Variants in INPP5F observed in about 807,000 individuals in gnomAD.
INPP5F encodes the protein inositol polyphosphate-5-phosphatase F.
Under a neutral mutation model 137.2 loss-of-function variants are expected in INPP5F, and 97 were observed. The ratio of observed to expected loss-of-function variants is 0.71; its 90% CI spans 0.60 to 0.84. The LOEUF (loss-of-function observed/expected upper bound fraction) is 0.84. Ranked by LOEUF, INPP5F falls within the 40% of genes least tolerant of loss-of-function variation. INPP5F has a pLI of 0.00. For missense variants in INPP5F, 1,271 were observed against 1,371.9 expected, an observed-to-expected ratio of 0.93 and a Z score of 1.16; for synonymous variants, 504 against 476.9, an observed-to-expected ratio of 1.06 and a Z score of -0.74.
At position 119,731,023 on chromosome 10, in the gene INPP5F, G is replaced by A. The variant is rs546064625; in HGVS notation, c.97+4664G>A. 2.3e-3 allele frequency among the ~76,000 whole-genome samples: 348 copies of A among 152,006 alleles called. 1 individual carries two copies. Among genetic ancestry groups the A allele is most frequent in the African/African-American group, 7.1e-3 (294 of 41,482 alleles). ...AGGATGCTCTCGATCTCTTGACCTC[G>A]TGATCCGCCCGCCTCTGCCTCCCAA... On this transcript the variant is annotated intron_variant, in intron 1 of 19. Coordinates refer to ENST00000650623, the MANE Select transcript of INPP5F (RefSeq NM_014937.4).
intron 1 of INPP5F, among the ~76,000 whole-genome samples, chr10:119,733,543 C>T (rs1848145200): frequency 6.6e-6 from 1 of 152,182 alleles, no homozygotes; most frequent in South Asian, 2.1e-4. Flanking sequence ...CATAGACATC[C>T]TTTCAGAGCA....
rs577012438 is a variant in INPP5F, at chr10:119,778,309, A to G, written c.179-3326A>G. ...AGGTGTGAGCCACTGCACCCAGCCT[A>G]TATATCCTTTAAAAAAATTGTTTTA... On this transcript the variant is annotated intron_variant, in intron 2 of 19. Transcript: ENST00000650623. Among the ~76,000 whole-genome samples the G allele has an allele frequency of 1.2e-4, 19 of 152,270 alleles. No homozygotes were observed. In the East Asian group the frequency reaches 3.1e-3, roughly 25 times the overall value.
chr10:119,784,521 T>A (rs918769165), intron 3 of INPP5F, among the ~76,000 whole-genome samples: 2 of 152,256 alleles, frequency 1.3e-5, no homozygotes, highest in Admixed American at 1.3e-4. Flanking sequence ...TCCAGCAGCA[T>A]CCTTTAATGT....
chr10:119,794,894 G>A (rs1346537438), intron 6 of INPP5F, among the ~76,000 whole-genome samples: 4 of 115,708 alleles, frequency 3.5e-5, no homozygotes, highest in African/African-American at 6.2e-5. Flanking sequence ...CTGGCCGGGC[G>A]GGGGGCTGAC....
chr10:119,825,305 C>A (rs2033204347), intron 19 of INPP5F, among the ~76,000 whole-genome samples: 1 of 152,116 alleles, frequency 6.6e-6, no homozygotes, highest in Non-Finnish European at 1.5e-5. Flanking sequence ...TTTCACTTGT[C>A]CCTAACAGTG....
intron 14 of INPP5F, among the ~76,000 whole-genome samples, chr10:119,811,235 C>T (rs958828784): frequency 2.6e-5 from 4 of 152,096 alleles, no homozygotes; most frequent in African/African-American, 4.8e-5. Flanking sequence ...TTGTCTCTTT[C>T]CTGTGTAGGG....
chr10:119,805,313 G>A, intron 10 of INPP5F, 71 bp from the exon 11 acceptor site: 1 of 1,157,220 alleles, frequency 8.6e-7, no homozygotes, highest in Non-Finnish European at 1.3e-6. Context: ...ACATTAAATA[G>A]CATATCTTAA....
In INPP5F at chr10:119,791,591, A is replaced by G. The variant is rs2134205402; in HGVS notation, c.390A>G (p.Leu130=). 2.5e-6 allele frequency: 4 copies of G among 1,604,452 alleles called. No individual in the cohort carries two copies. Among genetic ancestry groups the G allele is most frequent in the Non-Finnish European group, 3.4e-6 (4 of 1,171,846 alleles). Residue 130 remains leucine (L), a synonymous_variant, in exon 4 of 20, where the codon CTA becomes CTG. Coordinates refer to ENST00000650623, the MANE Select transcript of INPP5F (RefSeq NM_014937.4). The stretch of plus-strand genomic sequence containing the variant: ...CATCTCCTGATGACTCAAAGTTTCT[A>G]CTGAAGACCTTTACGCATATTAAAT... ...IIPSPDDSKF[L]LKTFTHIKSN...
Position 119,810,154 on chromosome 10 carries a change from G to A in INPP5F, c.1624G>A (p.Val542Met). ...RKLAGVMKDG[V>M]NSANRYYLNR... ...GTTAGCAGGAGTTATGAAAGATGGAGTGAACTCAGCAAACAGATATTACCT... is the reference window on the plus strand; with the variant it reads ...GTTAGCAGGAGTTATGAAAGATGGAATGAACTCAGCAAACAGATATTACCT... The change falls in exon 14 of 20, where the codon GTG becomes ATG. Residue 542 changes from valine (V) to methionine (M), a missense_variant. Physicochemically the swap from Val to Met is conservative, Grantham distance 21 (BLOSUM62 1). Around this residue, in one of 6 missense-constraint regions of INPP5F, gnomAD observed 593 missense variants for 712.4 expected, o/e 0.83. Transcript: ENST00000650623. The A allele has an allele frequency of 6.2e-7, 1 of 1,613,494 alleles. No individual in the cohort carries two copies. The highest frequency in any genetic ancestry group is 1.3e-5 in the African/African-American group (1 of 75,020).
intron 2 of INPP5F, 65 bp from the exon 3 acceptor site, chr10:119,781,570 C>T (rs1589707531): frequency 2.8e-6 from 4 of 1,403,968 alleles, no homozygotes; most frequent in South Asian, 3.2e-5. Flanking sequence ...GGTTATTCAC[C>T]TTCAACTTGT....
chr10:119,788,822 TGA>T (rs1212496545), intron 3 of INPP5F, among the ~76,000 whole-genome samples: 2 of 152,192 alleles, frequency 1.3e-5, no homozygotes, highest in Non-Finnish European at 2.9e-5. Context: ...TCTTTCTGAG[TGA>T]GGAAAACCTG....
At chr10:119,795,960 C>T (rs1050696645) in intron 6 of INPP5F, among the ~76,000 whole-genome samples, 1 of 151,916 alleles carries the variant, frequency 6.6e-6, no homozygotes, top group South Asian at 2.1e-4. Flanking sequence ...CGCCTGCAAT[C>T]GCAGGCACTC....
intron 13 of INPP5F, among the ~76,000 whole-genome samples, chr10:119,809,226 C>CAAAAAA (rs71019722): frequency 5.1e-5 from 3 of 58,856 alleles, no homozygotes; most frequent in African/African-American, 1.9e-4. Flanking sequence ...GACTCTGTCT[C>CAAAAAA]AAAAAAAAAA....
intron 2 of INPP5F, among the ~76,000 whole-genome samples, chr10:119,766,476 T>A (rs1032674560): frequency 2.0e-5 from 3 of 151,854 alleles, no homozygotes; most frequent in Non-Finnish European, 2.9e-5. Flanking sequence ...TGGCCAAGAA[T>A]TTTCTAAAAC....
chr10:119,824,031 A>T (rs1851668607), intron 19 of INPP5F, 129 bp downstream of exon 19: 2 of 615,120 alleles, frequency 3.3e-6, no homozygotes, highest in Non-Finnish European at 5.6e-6. Flanking sequence ...AGAGGTAAGG[A>T]TCAAATTTCT....
At chr10:119,796,093 GGGGAGA>G (rs945120061) in intron 6 of INPP5F, among the ~76,000 whole-genome samples, 19 of 150,380 alleles carry the variant, frequency 1.3e-4, no homozygotes, top group African/African-American at 2.9e-4. Flanking sequence ...GGAGGGGGAG[GGGGAGA>G]GGGAGAGGGA....
intron 6 of INPP5F, chr10:119,793,488 A>T (rs1364455806): frequency 1.3e-5 from 2 of 152,436 alleles, no homozygotes; most frequent in African/African-American, 4.8e-5. Context: ...GTGGATTTGA[A>T]GTGGATGCTG....
rs1422803552 is a variant in INPP5F at position 119,827,993 on chromosome 10, T to C, written c.*213T>C. The C allele has an allele frequency of 6.0e-6, 3 of 502,350 alleles. No individual in the cohort carries two copies. In the South Asian group the frequency reaches 6.9e-5, roughly 12 times the overall value. 31.1% of individuals were successfully genotyped at this position (502,350 alleles called of 1,614,324 possible). A position where few individuals can be genotyped will look rare whatever the true frequency, so the allele number is the denominator to read the frequency against. On this transcript the variant is annotated 3_prime_UTR_variant, in exon 20 of 20. Transcript: ENST00000650623. Reference sequence around the variant, plus strand: ...TCTAGAATGTGTAGACCTGAGTAGCTTATACACTACAGAGCACTTTGCTTA... The same window carrying C: ...TCTAGAATGTGTAGACCTGAGTAGCCTATACACTACAGAGCACTTTGCTTA...
chr10:119,782,968 A>C (rs1043481294), intron 3 of INPP5F, among the ~76,000 whole-genome samples: 1 of 152,198 alleles, frequency 6.6e-6, no homozygotes, highest in Non-Finnish European at 1.5e-5. Flanking sequence ...TGTCACTGGA[A>C]GTTTGACAAT....
Sources: gnomAD v4.1 joint callset for allele counts (sites outside exome capture counted in the v4.1 genomes callset) on GRCh38, gnomAD v4.1.1 for gene constraint, gnomAD v4.1.1 regional missense constraint, MANE v1.5 for transcripts, NCBI Gene and HGNC (gene_info 2026-07-23, HGNC 2026-07-21) for gene names.